The following AGBL2 variants were observed in gnomAD, a reference collection of about 807,000 sequenced individuals.
The protein encoded by AGBL2 is cytosolic carboxypeptidase 2.
In AGBL2, 87 loss-of-function variants were observed where a neutral mutation model predicts 103.0. That is an observed-to-expected ratio of 0.84 (90% CI 0.71 to 1.01). AGBL2 has a LOEUF of 1.01. Ranked by LOEUF, AGBL2 falls within the 50% of genes least tolerant of loss-of-function variation. AGBL2 has a pLI of 0.00. For missense variants in AGBL2, 904 were observed against 1,023.5 expected (o/e 0.88, Z 1.59); for synonymous variants, 335 against 356.7 (o/e 0.94, Z 0.69).
chr11:47,666,537 A>G (rs964132890), intron 17 of AGBL2: 7 of 370,154 alleles, frequency 1.9e-5, no homozygotes, highest in African/African-American at 1.3e-4. Context: ...AATCTCCACC[A>G]GATTCTGAAG....
chr11:47,687,775 ATTTC>A (rs1356371933), intron 10 of AGBL2, among the ~76,000 whole-genome samples: 2 of 148,592 alleles, frequency 1.3e-5, no homozygotes, highest in African/African-American at 2.5e-5. Flanking sequence ...AGTCTAAGGT[ATTTC>A]TTTCTTTCTT....
At chr11:47,670,894 T>C (rs777748989) in intron 14 of AGBL2, among the ~76,000 whole-genome samples, 1 of 151,528 alleles carries the variant, frequency 6.6e-6, no homozygotes, top group Non-Finnish European at 1.5e-5. Context: ...ACTGGGGAGG[T>C]TGAGCTGGGA....
chr11:47,692,843 G>A (rs1056097781), intron 8 of AGBL2, among the ~76,000 whole-genome samples: 13 of 149,712 alleles, frequency 8.7e-5, no homozygotes, highest in African/African-American at 2.9e-4. Context: ...TTTGAGACAG[G>A]GTCTCACTCT....
At chr11:47,677,568 C>T (rs937907770) in intron 13 of AGBL2, among the ~76,000 whole-genome samples, 167 bp from the exon 14 acceptor site, 1 of 152,204 alleles carries the variant, frequency 6.6e-6, no homozygotes. Flanking sequence ...ATTCTCCTGC[C>T]TCAGCCTCCC....
intron 11 of AGBL2, among the ~76,000 whole-genome samples, chr11:47,683,389 A>G (rs1478028756): frequency 1.3e-5 from 2 of 151,996 alleles, no homozygotes; most frequent in Admixed American, 6.6e-5. Context: ...GAGAGAGAGG[A>G]AGGAAGGAAA....
At chr11:47,678,154 G>C (rs1321859304) in intron 13 of AGBL2, among the ~76,000 whole-genome samples, 1 of 151,284 alleles carries the variant, frequency 6.6e-6, no homozygotes, top group Admixed American at 6.6e-5. Flanking sequence ...AGTAGAGATG[G>C]GGTTTCACCA....
chr11:47,702,014 G>C (rs1033203870), intron 7 of AGBL2, among the ~76,000 whole-genome samples: 2 of 151,584 alleles, frequency 1.3e-5, no homozygotes, highest in African/African-American at 4.8e-5. Flanking sequence ...AGCCAGGCAT[G>C]GTGGTGCACG....
chr11:47,673,265 T>C (rs1198805540), intron 14 of AGBL2, among the ~76,000 whole-genome samples: 1 of 152,036 alleles, frequency 6.6e-6, no homozygotes, highest in Non-Finnish European at 1.5e-5. Flanking sequence ...GGTGGGTGGA[T>C]CACTTGAGGT....
chr11:47,663,236 A>G (rs1281504181), intron 17 of AGBL2, 124 bp from the exon 18 acceptor site: 1 of 647,962 alleles, frequency 1.5e-6, no homozygotes, highest in Non-Finnish European at 2.6e-6. Context: ...CCCACATAAA[A>G]GGACAGGCAA....
intron 15 of AGBL2, among the ~76,000 whole-genome samples, chr11:47,668,342 C>T (rs2097347382): frequency 6.6e-6 from 1 of 151,048 alleles, no homozygotes; most frequent in African/African-American, 2.4e-5. Flanking sequence ...ACTAAAAATA[C>T]AAAAATTAGC....
At chr11:47,685,089 A>G (rs1432410976) in intron 11 of AGBL2, among the ~76,000 whole-genome samples, 1 of 152,036 alleles carries the variant, frequency 6.6e-6, no homozygotes, top group African/African-American at 2.4e-5. Flanking sequence ...GCATGCCTGT[A>G]CTCTCAACTA....
chr11:47,708,171 G>A (rs938814155), intron 4 of AGBL2, among the ~76,000 whole-genome samples: 28 of 151,748 alleles, frequency 1.8e-4, no homozygotes, highest in African/African-American at 5.1e-4. Context: ...AATTTCAAGC[G>A]ACTCTCCTGC....
At chr11:47,684,925 G>A (rs2097417916) in intron 11 of AGBL2, among the ~76,000 whole-genome samples, 1 of 152,150 alleles carries the variant, frequency 6.6e-6, no homozygotes. Flanking sequence ...TTCAACTTAT[G>A]GAGGGGCGCA....
chr11:47,685,728 C>T (rs2097421000), intron 11 of AGBL2, among the ~76,000 whole-genome samples, 165 bp downstream of exon 11: 1 of 151,976 alleles, frequency 6.6e-6, no homozygotes, highest in South Asian at 2.1e-4. Context: ...GGCCCCACAG[C>T]AATTCTTAAA....
chr11:47,700,615 C>T (rs959213815), intron 7 of AGBL2, among the ~76,000 whole-genome samples: 1 of 152,066 alleles, frequency 6.6e-6, no homozygotes, highest in African/African-American at 2.4e-5. Context: ...AACAAACAAA[C>T]AAACAAACAT....
rs145507669 is a variant in AGBL2 at position 47,671,332 on chromosome 11, T to C, written c.2148-2425A>G. Among the ~76,000 whole-genome samples, 836 of 152,012 alleles carry C rather than the reference T, an allele frequency of 5.5e-3. 8 individuals are homozygous for C. The highest frequency in any genetic ancestry group is 0.018 in the African/African-American group (751 of 41,460). On this transcript the variant is annotated intron_variant, in intron 14 of 18. Coordinates refer to ENST00000525123, the MANE Select transcript of AGBL2 (RefSeq NM_024783.4). ...GAATTCGAGACAAGCCTGGCCAACA[T>C]TGTGAAACTCCATCTCTACTAAAAA...
At chr11:47,686,264 G>A (rs751165920) in intron 10 of AGBL2, among the ~76,000 whole-genome samples, 90 of 151,872 alleles carry the variant, frequency 5.9e-4, no homozygotes, top group Non-Finnish European at 1.1e-3. Context: ...ACTTGAAATG[G>A]AAAATTTCTT....
chr11:47,697,609 A>G (rs2097480897), intron 8 of AGBL2, among the ~76,000 whole-genome samples: 1 of 131,636 alleles, frequency 7.6e-6, no homozygotes, highest in South Asian at 2.4e-4. Context: ...GCAGTGGCGC[A>G]ATCTTGGCTC....
chr11:47,672,460 A>C (rs1361962656), intron 14 of AGBL2, among the ~76,000 whole-genome samples: 1 of 152,094 alleles, frequency 6.6e-6, no homozygotes, highest in Non-Finnish European at 1.5e-5. Flanking sequence ...GACAACAGGC[A>C]TGAGTCACCA....
Sources: allele counts gnomAD v4.1 joint callset (sites outside exome capture counted in the v4.1 genomes callset), GRCh38; gene constraint gnomAD v4.1.1; transcripts MANE v1.5; gene names NCBI Gene and HGNC (gene_info 2026-07-23, HGNC 2026-07-21).